Variants in MGAT5 observed in about 807,000 individuals in gnomAD.
MGAT5 encodes alpha-1,6-mannosylglycoprotein 6-beta-N-acetylglucosaminyltransferase A.
Under a neutral mutation model 94.3 loss-of-function variants are expected in MGAT5, and 30 were observed. The observed-to-expected ratio is 0.32, with a 90% CI of 0.24 to 0.43. The LOEUF is 0.43. Ranked by LOEUF, MGAT5 falls within the 20% of genes least tolerant of loss-of-function variation. The probability of loss-of-function intolerance (pLI) is 1.00; values close to 1 mark genes in which losing one functional copy is unlikely to be tolerated. For synonymous variants in MGAT5, 310 were observed against 322.9 expected (o/e 0.96, Z 0.43); for missense variants, 691 against 905.5 (o/e 0.76, Z 3.04).
chr2:134,395,238 T>A (rs532064439), intron 10 of MGAT5, among the ~76,000 whole-genome samples: 1 of 152,362 alleles, frequency 6.6e-6, no homozygotes, highest in African/African-American at 2.4e-5. Flanking sequence ...CCTGCCCTTC[T>A]TAAAGCAGAA....
intron 12 of MGAT5, among the ~76,000 whole-genome samples, chr2:134,414,314 G>C (rs1315713350): frequency 2.0e-5 from 3 of 152,208 alleles, no homozygotes; most frequent in African/African-American, 7.2e-5. Flanking sequence ...AGGACACAGA[G>C]ACTGGGGACA....
intron 1 of MGAT5, among the ~76,000 whole-genome samples, chr2:134,232,296 T>TA (rs1230801479): frequency 6.6e-6 from 1 of 152,196 alleles, no homozygotes; most frequent in Non-Finnish European, 1.5e-5. Context: ...CAATATCAAA[T>TA]ATGGTGGCCT....
intron 1 of MGAT5, among the ~76,000 whole-genome samples, chr2:134,146,813 C>G (rs1686943522): frequency 6.6e-6 from 1 of 152,160 alleles, no homozygotes; most frequent in Non-Finnish European, 1.5e-5. Flanking sequence ...CATGCTGGGT[C>G]TGAGGATGCC....
intron 1 of MGAT5, among the ~76,000 whole-genome samples, chr2:134,185,138 G>A (rs1212679020): frequency 2.6e-5 from 4 of 152,118 alleles, no homozygotes; most frequent in Admixed American, 6.6e-5. Flanking sequence ...GGACTCTGGG[G>A]GAAGGGTGGG....
chr2:134,255,334 A>G (rs1378823955), intron 1 of MGAT5, among the ~76,000 whole-genome samples: 1 of 152,082 alleles, frequency 6.6e-6, no homozygotes, highest in East Asian at 1.9e-4. Flanking sequence ...TTAATATAGA[A>G]AAAGTTGGAA....
chr2:134,319,715 T>G (rs1488604278), intron 4 of MGAT5: 1 of 408,482 alleles, frequency 2.4e-6, no homozygotes. Flanking sequence ...CATGCTGTGG[T>G]GGAATTCAAT....
intron 1 of MGAT5, among the ~76,000 whole-genome samples, chr2:134,217,740 A>T (rs1680570513): frequency 6.6e-6 from 1 of 152,224 alleles, no homozygotes; most frequent in Non-Finnish European, 1.5e-5. Context: ...AGTTAGAAAA[A>T]ATAAGACTGG....
At chr2:134,167,018 A>G (rs1401447319) in intron 1 of MGAT5, among the ~76,000 whole-genome samples, 2 of 152,226 alleles carry the variant, frequency 1.3e-5, no homozygotes, top group Non-Finnish European at 2.9e-5. Context: ...GTTATGACAT[A>G]TGGTAAGATG....
At chr2:134,436,933 A>G (rs1440847331) in intron 14 of MGAT5, among the ~76,000 whole-genome samples, 2 of 152,206 alleles carry the variant, frequency 1.3e-5, no homozygotes, top group South Asian at 2.1e-4. Flanking sequence ...TTCCATCGCC[A>G]TATCACTCAT....
chr2:134,175,173 A>G lies in MGAT5; in HGVS notation c.-143+54882A>G, dbSNP rs16830163. Among the ~76,000 whole-genome samples the G allele has an allele frequency of 6.2e-3, 944 of 152,330 alleles. 9 individuals are homozygous for G. Among genetic ancestry groups the G allele is most frequent in the Middle Eastern group, 0.054 (16 of 294 alleles). ...CTGCATCTAATCAGGATTCTGGTTCATGGCAAGAGATTTTCATGTTTCTTT... is the reference window on the plus strand; with the variant it reads ...CTGCATCTAATCAGGATTCTGGTTCGTGGCAAGAGATTTTCATGTTTCTTT... On this transcript the variant is annotated intron_variant, in intron 1 of 16. Coordinates refer to the MGAT5 transcript ENST00000409645.
At chr2:134,281,292 C>T (rs1684677900) in intron 2 of MGAT5, among the ~76,000 whole-genome samples, 1 of 152,128 alleles carries the variant, frequency 6.6e-6, no homozygotes, top group Non-Finnish European at 1.5e-5. Context: ...CATAACGTGG[C>T]AAACACTGAT....
chr2:134,338,284 T>G lies in MGAT5; in HGVS notation c.671T>G (p.Ile224Ser), dbSNP rs374507734. 2.5e-6 allele frequency: 4 copies of G among 1,606,142 alleles called. No individual in the cohort carries two copies. The African/African-American group carries it at 5.4e-5, about 22-fold the overall frequency. Reference protein sequence around the residue: ...SLAEIRTDFNILYSMMKKHEE... With the variant: ...SLAEIRTDFNSLYSMMKKHEE... ...GCGGAAATTCGTACAGATTTTAATA[T>G]TCTCTACAGTATGATGAAAAAGCAT... Residue 224 changes from isoleucine to serine, a missense_variant, in exon 6 of 16, where the codon ATT (isoleucine) becomes AGT (serine). By Grantham distance (142) the Ile-to-Ser change is moderately radical (BLOSUM62 -2). Coordinates refer to ENST00000281923, the MANE Select transcript of MGAT5 (RefSeq NM_002410.5).
intron 9 of MGAT5, among the ~76,000 whole-genome samples, chr2:134,353,954 C>A (rs1679555450): frequency 6.6e-6 from 1 of 152,168 alleles, no homozygotes; most frequent in Admixed American, 6.5e-5. Flanking sequence ...AACTTGGATG[C>A]ATGCTTGCAA....
chr2:134,198,352 T>TG (rs1205483516), intron 1 of MGAT5, among the ~76,000 whole-genome samples: 1 of 152,230 alleles, frequency 6.6e-6, no homozygotes, highest in African/African-American at 2.4e-5. Flanking sequence ...ACCAGCATTC[T>TG]GATCCAGTGT....
At chr2:134,405,112 C>G (rs1223574688) in intron 11 of MGAT5, among the ~76,000 whole-genome samples, 4 of 152,246 alleles carry the variant, frequency 2.6e-5, no homozygotes, top group African/African-American at 9.6e-5. Context: ...CCTTACTTAC[C>G]TACCATCCAT....
At chr2:134,412,845 G>T (rs202074947) in intron 11 of MGAT5, 24 bp from the exon 12 acceptor site, 3 of 1,613,674 alleles carry the variant, frequency 1.9e-6, no homozygotes, top group East Asian at 2.2e-5. Flanking sequence ...GTGTTCATAC[G>T]CTGTGTGGTT....
intron 12 of MGAT5, among the ~76,000 whole-genome samples, chr2:134,414,607 AT>A (rs36110473): frequency 2.6e-5 from 4 of 152,034 alleles, no homozygotes; most frequent in Non-Finnish European, 5.9e-5. Flanking sequence ...TTAAATAGAT[AT>A]TTTTTTCATG....
Position 134,349,932 on chromosome 2 carries a change from A to G in MGAT5, c.1240A>G (p.Met414Val). 1 of 1,613,300 alleles carries G rather than the reference A, an allele frequency of 6.2e-7. No homozygotes were observed. The highest frequency in any genetic ancestry group is 8.5e-7 in the Non-Finnish European group (1 of 1,179,522). ...TCTGAACCCTCAGCAGTTTTATACC[A>G]TGTTCCGTGAGTATTCCTGTTTCAT... Reference protein sequence around the residue: ...WNLNPQQFYTMFPHTPDNSFL... With the variant: ...WNLNPQQFYTVFPHTPDNSFL... The change falls in exon 9 of 16, where the codon ATG becomes GTG. Residue 414 changes from methionine to valine, a missense_variant. Coordinates refer to ENST00000281923, the MANE Select transcript of MGAT5 (RefSeq NM_002410.5).
At chr2:134,233,106 A>G (rs1034642978) in intron 1 of MGAT5, among the ~76,000 whole-genome samples, 1 of 152,226 alleles carries the variant, frequency 6.6e-6, no homozygotes, top group African/African-American at 2.4e-5. Context: ...GTTGTTTTCC[A>G]GGTATGTGTA....
Sources: allele counts gnomAD v4.1 joint callset (sites outside exome capture counted in the v4.1 genomes callset), GRCh38; gene constraint gnomAD v4.1.1; transcripts MANE v1.5; gene names NCBI Gene and HGNC (gene_info 2026-07-23, HGNC 2026-07-21).